Variants in DNAJC27 observed in about 807,000 individuals in gnomAD.
The protein encoded by DNAJC27 is DnaJ heat shock protein family (Hsp40) member C27, also known as dnaJ homolog subfamily C member 27.
DNAJC27 carries 25 observed loss-of-function variants against 31.4 expected under a neutral mutation model. The ratio of observed to expected loss-of-function variants is 0.80; its 90% CI spans 0.58 to 1.11. DNAJC27 has a LOEUF of 1.11. Among genes scored for constraint, DNAJC27 ranks in the 50% most tolerant of loss-of-function variants. The pLI, the probability that DNAJC27 is intolerant of heterozygous loss-of-function variation, is 0.00. For synonymous variants in DNAJC27, 106 were observed against 112.7 expected, an observed-to-expected ratio of 0.94 and a Z score of 0.37; for missense variants, 356 against 347.3, an observed-to-expected ratio of 1.02 and a Z score of -0.20.
chr2:24,961,664 A>C (rs1372233872), intron 3 of DNAJC27, among the ~76,000 whole-genome samples: 1 of 152,114 alleles, frequency 6.6e-6, no homozygotes, highest in Non-Finnish European at 1.5e-5. Context: ...TGGGAGTTCA[A>C]GACATCAGTG....
intron 2 of DNAJC27, among the ~76,000 whole-genome samples, chr2:24,964,158 C>A (rs541913265): frequency 2.0e-5 from 3 of 151,914 alleles, no homozygotes; most frequent in African/African-American, 7.3e-5. Flanking sequence ...CGGTGGCTCA[C>A]GCCTGTAATC....
Position 24,963,425 on chromosome 2 carries a change from C to T in DNAJC27, c.220G>A (p.Gly74Arg), listed in dbSNP as rs775167708. 3 of 1,613,624 alleles carry T rather than the reference C, an allele frequency of 1.9e-6. No individual in the cohort carries two copies. The highest frequency in any genetic ancestry group is 1.1e-5 in the South Asian group (1 of 90,990). The change falls in exon 3 of 7, where the codon GGA becomes AGA. Residue 74 changes from glycine (G) to arginine (R), a missense_variant. Transcript: ENST00000264711. ...EIKVNIFDMA[G>R]HPFFYEVRNE... ...CTTACCTCATAGAAGAAGGGATGTCCAGCCATATCAAAGATGTTAACTTTG... is the reference window on the plus strand; with the variant it reads ...CTTACCTCATAGAAGAAGGGATGTCTAGCCATATCAAAGATGTTAACTTTG...
chr2:24,971,867 C>A lies in DNAJC27; in HGVS notation c.38G>T (p.Arg13Met), dbSNP rs770260817. ...GGAGATGACTTTGATGCGGAGAGAC[C>A]TGCCGGGCTCCTTCCGCTTCGGCAT... Reference protein sequence around the residue: ...ANMPKRKEPGRSLRIKVISMG... With the variant: ...ANMPKRKEPGMSLRIKVISMG... Residue 13 changes from arginine (R) to methionine (M), a missense_variant, in exon 1 of 7, where the codon AGG becomes ATG. Physicochemically the swap from Arg to Met is moderately conservative, Grantham distance 91. Coordinates refer to ENST00000264711, the MANE Select transcript of DNAJC27 (RefSeq NM_016544.3). The A allele has an allele frequency of 6.2e-7, 1 of 1,609,606 alleles. No individual in the cohort carries two copies. The highest frequency in any genetic ancestry group is 8.5e-7 in the Non-Finnish European group (1 of 1,178,426).
chr2:24,950,185 T>C (rs939590955), intron 6 of DNAJC27, among the ~76,000 whole-genome samples: 2 of 152,066 alleles, frequency 1.3e-5, no homozygotes, highest in Admixed American at 1.3e-4. Context: ...CAATATCACC[T>C]GGTGAATGAG....
intron 3 of DNAJC27, among the ~76,000 whole-genome samples, chr2:24,958,388 C>T (rs969007407): frequency 2.0e-5 from 3 of 152,192 alleles, no homozygotes; most frequent in African/African-American, 7.2e-5. Flanking sequence ...TTATAAATCA[C>T]ATCCCAAAGC....
intron 5 of DNAJC27, among the ~76,000 whole-genome samples, chr2:24,954,708 C>G (rs561009191): frequency 6.6e-6 from 1 of 152,140 alleles, no homozygotes; most frequent in Non-Finnish European, 1.5e-5. Context: ...GAGGCCGAGG[C>G]GGGCGGATCA....
rs1666353635 is a variant in DNAJC27, at chr2:24,971,899, C to T, written c.6G>A (p.Glu2=). M[E]ANMPKRKEPG... is the part of the protein sequence containing the mutation. Reference sequence around the variant, plus strand: ...GCTCCTTCCGCTTCGGCATGTTGGCCTCCATGGCCCTGGCTCTCTCGGGGC... The same window carrying T: ...GCTCCTTCCGCTTCGGCATGTTGGCTTCCATGGCCCTGGCTCTCTCGGGGC... Residue 2 remains glutamate (E), a synonymous_variant, in exon 1 of 7, where the codon GAG becomes GAA. Transcript: ENST00000264711. 8.8e-6 allele frequency: 14 copies of T among 1,598,636 alleles called. No individual in the cohort carries two copies. The highest frequency in any genetic ancestry group is 1.2e-5 in the Non-Finnish European group (14 of 1,174,530).
intron 3 of DNAJC27, among the ~76,000 whole-genome samples, chr2:24,959,359 C>T (rs1665987245): frequency 6.6e-6 from 1 of 152,194 alleles, no homozygotes; most frequent in Non-Finnish European, 1.5e-5. Flanking sequence ...GCAACATCAA[C>T]CACTTGTACA....
At chr2:24,965,001 T>C (rs1666144253) in intron 2 of DNAJC27, among the ~76,000 whole-genome samples, 1 of 151,702 alleles carries the variant, frequency 6.6e-6, no homozygotes, top group Non-Finnish European at 1.5e-5. Flanking sequence ...AGGTCAGGAG[T>C]TTGAGACCAG....
intron 5 of DNAJC27, among the ~76,000 whole-genome samples, chr2:24,955,810 A>G (rs1665892130): frequency 6.6e-6 from 1 of 152,270 alleles, no homozygotes. Context: ...CTCATTTCTA[A>G]CAAGTATGTC....
At chr2:24,960,409 A>C (rs1312714194) in intron 3 of DNAJC27, among the ~76,000 whole-genome samples, 2 of 152,234 alleles carry the variant, frequency 1.3e-5, no homozygotes, top group Non-Finnish European at 2.9e-5. Flanking sequence ...AGGCCAATTA[A>C]TAACAATACA....
At chr2:24,960,671 G>T (rs572735567) in intron 3 of DNAJC27, among the ~76,000 whole-genome samples, 1 of 152,354 alleles carries the variant, frequency 6.6e-6, no homozygotes, top group Non-Finnish European at 1.5e-5. Flanking sequence ...TGGAGAAAGC[G>T]TTAGTGGTCT....
At chr2:24,947,818 A>G in intron 6 of DNAJC27, 70 bp from the exon 7 acceptor site, 3 of 1,536,886 alleles carry the variant, frequency 2.0e-6, no homozygotes, top group Non-Finnish European at 1.8e-6. Context: ...AGCTGTTTGG[A>G]CACACATAGT....
intron 3 of DNAJC27, among the ~76,000 whole-genome samples, chr2:24,961,815 T>C (rs1410895991): frequency 1.3e-5 from 2 of 152,142 alleles, no homozygotes; most frequent in Non-Finnish European, 2.9e-5. Context: ...AAGAAAGTGG[T>C]TTCTTGAGAT....
chr2:24,949,979 T>C (rs1665728752), intron 6 of DNAJC27, among the ~76,000 whole-genome samples: 2 of 147,692 alleles, frequency 1.4e-5, no homozygotes, highest in South Asian at 2.1e-4. Context: ...TTAAAATATA[T>C]ATGGAATTAC....
intron 3 of DNAJC27, among the ~76,000 whole-genome samples, chr2:24,960,852 C>T (rs1384789360): frequency 3.9e-5 from 6 of 152,178 alleles, no homozygotes; most frequent in Admixed American, 6.5e-5. Flanking sequence ...AAGCCATCTT[C>T]GTAACATAAA....
chr2:24,955,936 A>G (rs564497154), intron 5 of DNAJC27, among the ~76,000 whole-genome samples: 3 of 152,258 alleles, frequency 2.0e-5, no homozygotes, highest in Admixed American at 2.0e-4. Flanking sequence ...AATTCTCCAG[A>G]ATGGTGAAGT....
intron 1 of DNAJC27, chr2:24,969,513 T>G (rs1666272969): frequency 6.0e-6 from 1 of 165,516 alleles, no homozygotes. Context: ...AGTCTCACTC[T>G]GTCGCCTAGG....
At chr2:24,960,105 A>G (rs1032202440) in intron 3 of DNAJC27, among the ~76,000 whole-genome samples, 1 of 152,188 alleles carries the variant, frequency 6.6e-6, no homozygotes, top group African/African-American at 2.4e-5. Flanking sequence ...AAGCAAGTCT[A>G]TTGATGCCAT....
Sources: gnomAD v4.1 joint callset for allele counts (sites outside exome capture counted in the v4.1 genomes callset) on GRCh38, gnomAD v4.1.1 for gene constraint, MANE v1.5 for transcripts, NCBI Gene and HGNC (gene_info 2026-07-23, HGNC 2026-07-21) for gene names.